ARHGAP10: variants seen among roughly 807,000 people sequenced by gnomAD.
The protein encoded by ARHGAP10 is rho GTPase-activating protein 10.
A neutral mutation model predicts 108.6 loss-of-function variants in ARHGAP10; 87 were observed. That is an observed-to-expected ratio of 0.80 (90% CI 0.67 to 0.96). ARHGAP10 has a LOEUF of 0.96. Ranked by LOEUF, ARHGAP10 falls within the 40% of genes least tolerant of loss-of-function variation. The pLI is 0.00. For missense variants in ARHGAP10, 939 were observed against 954.5 expected (o/e 0.98, Z 0.21); for synonymous variants, 347 against 341.1 (o/e 1.02, Z -0.19).
intron 7 of ARHGAP10, among the ~76,000 whole-genome samples, chr4:147,874,235 T>G (rs1734966366): frequency 6.6e-6 from 1 of 152,172 alleles, no homozygotes; most frequent in Non-Finnish European, 1.5e-5. Context: ...ACATCAGCAG[T>G]TTTTTGGTAT....
chr4:147,919,860 A>C (rs924188306), intron 13 of ARHGAP10, among the ~76,000 whole-genome samples: 3 of 151,766 alleles, frequency 2.0e-5, no homozygotes, highest in African/African-American at 2.4e-5. Flanking sequence ...GATTACAGGC[A>C]TGAGCCACTG....
intron 4 of ARHGAP10, among the ~76,000 whole-genome samples, chr4:147,856,911 G>A (rs1031429610): frequency 2.0e-5 from 3 of 152,300 alleles, no homozygotes; most frequent in African/African-American, 7.2e-5. Flanking sequence ...GGAGTGCAGT[G>A]GTGTGATCTC....
At chr4:148,066,739 G>T (rs1042230211) in intron 22 of ARHGAP10, among the ~76,000 whole-genome samples, 3 of 152,222 alleles carry the variant, frequency 2.0e-5, no homozygotes, top group Admixed American at 6.5e-5. Context: ...CCTGGGACAG[G>T]CTCCTTTAGG....
intron 18 of ARHGAP10, among the ~76,000 whole-genome samples, chr4:147,985,002 G>A (rs570415832): frequency 6.6e-6 from 1 of 152,312 alleles, no homozygotes; most frequent in South Asian, 2.1e-4. Flanking sequence ...TAGGCACATA[G>A]AGATGTGCCT....
At position 147,838,659 on chromosome 4, in the gene ARHGAP10, G is replaced by C. The variant is rs1252238192; in HGVS notation, c.313-8492G>C. On this transcript the variant is annotated intron_variant, in intron 3 of 22. Transcript: ENST00000336498. ...ACTAGCCTCCCACCTCAGCCTCCTG[G>C]GTAGCTGAGACTACAGATGCATGCC... Among the ~76,000 whole-genome samples the C allele has an allele frequency of 2.0e-5, 3 of 152,054 alleles. No individual in the cohort carries two copies. In the East Asian group the frequency reaches 5.8e-4, roughly 29 times the overall value.
intron 1 of ARHGAP10, among the ~76,000 whole-genome samples, chr4:147,777,961 GTGT>G (rs1330452937): frequency 6.6e-6 from 1 of 152,192 alleles, no homozygotes; most frequent in African/African-American, 2.4e-5. Flanking sequence ...TCCAGCCAGT[GTGT>G]AGTTACTGTT....
At chr4:147,925,146 A>C (rs571049105) in intron 13 of ARHGAP10, among the ~76,000 whole-genome samples, 1 of 152,184 alleles carries the variant, frequency 6.6e-6, no homozygotes, top group Admixed American at 6.5e-5. Flanking sequence ...CTGAGCAGTA[A>C]AATAGCCAGA....
intron 18 of ARHGAP10, among the ~76,000 whole-genome samples, chr4:148,022,713 G>A (rs982328715): frequency 2.0e-5 from 3 of 152,184 alleles, no homozygotes; most frequent in African/African-American, 4.8e-5. Context: ...AGGGGTTAGA[G>A]GGTATTAAAT....
intron 19 of ARHGAP10, among the ~76,000 whole-genome samples, chr4:148,035,267 A>G (rs1728325324): frequency 6.6e-6 from 1 of 152,224 alleles, no homozygotes; most frequent in Non-Finnish European, 1.5e-5. Flanking sequence ...TGGGCAACAG[A>G]AAATAAAATG....
At chr4:147,766,640 ACACACCCACC>A (rs1462929313) in intron 1 of ARHGAP10, among the ~76,000 whole-genome samples, 1 of 141,264 alleles carries the variant, frequency 7.1e-6, no homozygotes, top group Non-Finnish European at 1.5e-5. Context: ...ATACGTATAT[ACACACCCACC>A]CACACACACC....
chr4:147,900,120 G>T (rs1736176861), intron 10 of ARHGAP10, among the ~76,000 whole-genome samples: 2 of 152,102 alleles, frequency 1.3e-5, no homozygotes, highest in African/African-American at 4.8e-5. Context: ...CTTCTACATG[G>T]TTTGATAGAG....
chr4:148,056,308 A>ATCTCTTC (rs1369422656), intron 20 of ARHGAP10, among the ~76,000 whole-genome samples: 1 of 152,190 alleles, frequency 6.6e-6, no homozygotes, highest in Non-Finnish European at 1.5e-5. Flanking sequence ...AGCTTCACAC[A>ATCTCTTC]TCTCTTCTTG....
At chr4:147,819,299 G>A (rs966667771) in intron 1 of ARHGAP10, among the ~76,000 whole-genome samples, 5 of 152,056 alleles carry the variant, frequency 3.3e-5, no homozygotes, top group African/African-American at 1.2e-4. Flanking sequence ...TCTATTCATA[G>A]CAATATATAA....
chr4:147,793,124 A>T (rs993996793), intron 1 of ARHGAP10, among the ~76,000 whole-genome samples: 1 of 151,990 alleles, frequency 6.6e-6, no homozygotes, highest in Admixed American at 6.6e-5. Context: ...TGGGCGACAG[A>T]GTGAGACTCT....
intron 3 of ARHGAP10, among the ~76,000 whole-genome samples, chr4:147,837,641 C>CTTTTTTTTTTTTTTTT (rs1355564479): frequency 2.7e-4 from 4 of 14,714 alleles, no homozygotes; most frequent in Non-Finnish European, 1.3e-3. Flanking sequence ...TCTCTGGTCA[C>CTTTTTTTTTTTTTTTT]TGTTTTTTTT....
intron 1 of ARHGAP10, among the ~76,000 whole-genome samples, chr4:147,798,976 A>C (rs1178391554): frequency 6.6e-6 from 1 of 151,328 alleles, no homozygotes; most frequent in African/African-American, 2.4e-5. Flanking sequence ...TTTAGTTTTC[A>C]GAAGACTAGT....
intron 1 of ARHGAP10, among the ~76,000 whole-genome samples, chr4:147,752,836 AT>A (rs1560739436): frequency 5.9e-5 from 9 of 152,202 alleles, no homozygotes. Context: ...CTGCTTTACT[AT>A]TAATGCTGAT....
chr4:147,963,320 A>G (rs188646750), intron 16 of ARHGAP10, among the ~76,000 whole-genome samples: 20 of 152,220 alleles, frequency 1.3e-4, no homozygotes, highest in Admixed American at 5.2e-4. Context: ...CCCGTTCTTC[A>G]GGACCCAATC....
At position 147,776,258 on chromosome 4, in the gene ARHGAP10, C is replaced by T. The variant is rs972876226; in HGVS notation, c.154+43803C>T. Among the ~76,000 whole-genome samples the T allele has an allele frequency of 5.3e-5, 8 of 152,112 alleles. No homozygotes were observed. The South Asian group carries it at 6.2e-4, about 12-fold the overall frequency. On this transcript the variant is annotated intron_variant, in intron 1 of 22. Transcript: ENST00000336498. ...ATTCTAAGACGGAGTCTTGCTCTGT[C>T]GCCCAGGCTGGAGTGCAGTGGTGTG...
Sources: gnomAD v4.1 joint callset for allele counts (sites outside exome capture counted in the v4.1 genomes callset) on GRCh38, gnomAD v4.1.1 for gene constraint, MANE v1.5 for transcripts, NCBI Gene and HGNC (gene_info 2026-07-23, HGNC 2026-07-21) for gene names.